Variants in APBB2 observed in about 807,000 individuals in gnomAD.
APBB2 encodes the protein amyloid beta precursor protein binding family B member 2.
APBB2 carries 38 observed loss-of-function variants against 82.5 expected under a neutral mutation model. The observed-to-expected ratio is 0.46, with a 90% confidence interval of 0.36 to 0.60. The LOEUF (loss-of-function observed/expected upper bound fraction) is 0.60, where lower values mean the gene tolerates loss of function less well. Ranked by LOEUF, APBB2 falls within the 20% of genes least tolerant of loss-of-function variation. The pLI, the probability that APBB2 is intolerant of heterozygous loss-of-function variation, is 0.00. For missense variants in APBB2, 772 were observed against 972.3 expected (o/e 0.79, Z 2.74); for synonymous variants, 341 against 368.2 (o/e 0.93, Z 0.85).
chr4:40,958,725 C>A (rs1489178383), intron 6 of APBB2, among the ~76,000 whole-genome samples: 2 of 152,272 alleles, frequency 1.3e-5, no homozygotes, highest in African/African-American at 2.4e-5. Flanking sequence ...CCTGTCTCAA[C>A]CCCCTGAGTA....
At chr4:40,939,112 C>T (rs1169539759) in intron 7 of APBB2, among the ~76,000 whole-genome samples, 2 of 152,162 alleles carry the variant, frequency 1.3e-5, no homozygotes, top group African/African-American at 4.8e-5. Flanking sequence ...AGTCTCTCGG[C>T]CTTGGACTTT....
chr4:41,085,342 C>A (rs1739273434), intron 3 of APBB2, among the ~76,000 whole-genome samples: 1 of 150,856 alleles, frequency 6.6e-6, no homozygotes, highest in South Asian at 2.1e-4. Flanking sequence ...AAAACTTTTA[C>A]ATGGGGGTAT....
rs1465309041 is a variant in APBB2 at position 40,815,454 on chromosome 4, T to TC, written c.*637dup. ...CATCAATTTTGAAGTTTCATTTTTT[T>TC]CCAACATCCCACAAACAGCTGTAGA... On this transcript the variant is annotated 3_prime_UTR_variant, in exon 18 of 18. Transcript: ENST00000508593. The TC allele has an allele frequency of 6.6e-6, 1 of 152,574 alleles. No individual in the cohort carries two copies. The highest frequency in any genetic ancestry group is 1.5e-5 in the Non-Finnish European group (1 of 68,052). The allele number at this position is 152,574 out of a possible 1,614,324, so 9.5% of individuals were successfully genotyped here.
intron 1 of APBB2, among the ~76,000 whole-genome samples, chr4:41,181,937 T>C (rs1443596756): frequency 9.4e-6 from 1 of 106,056 alleles, no homozygotes; most frequent in Non-Finnish European, 1.8e-5. Flanking sequence ...AGAGTGAAAC[T>C]GTCTCAAAAA....
At chr4:41,210,652 A>C (rs1297174626) in intron 1 of APBB2, among the ~76,000 whole-genome samples, 3 of 152,242 alleles carry the variant, frequency 2.0e-5, no homozygotes, top group Non-Finnish European at 4.4e-5. Flanking sequence ...AAATGAACAC[A>C]AAACAGTTTT....
chr4:40,935,404 A>C (rs947810181), intron 7 of APBB2: 3 of 441,298 alleles, frequency 6.8e-6, no homozygotes, highest in Non-Finnish European at 1.2e-5. Context: ...CAGTGAAGTT[A>C]TTTCCTTAAG....
intron 6 of APBB2, among the ~76,000 whole-genome samples, chr4:40,968,271 T>G (rs893998379): frequency 6.6e-6 from 1 of 152,178 alleles, no homozygotes; most frequent in African/African-American, 2.4e-5. Flanking sequence ...TGAGTACCTA[T>G]TAGTCAATAT....
intron 1 of APBB2, among the ~76,000 whole-genome samples, chr4:41,147,384 G>T (rs941056717): frequency 1.3e-5 from 2 of 151,224 alleles, no homozygotes; most frequent in Non-Finnish European, 2.9e-5. Context: ...TCAAAACCTT[G>T]GTCATATGTC....
chr4:40,838,996 T>G (rs776785917), intron 12 of APBB2, among the ~76,000 whole-genome samples: 2 of 152,154 alleles, frequency 1.3e-5, no homozygotes, highest in African/African-American at 4.8e-5. Context: ...TCTCGTTTCT[T>G]TAATAAATCA....
chr4:40,821,109 G>A (rs1490115201), intron 17 of APBB2, among the ~76,000 whole-genome samples: 6 of 151,986 alleles, frequency 3.9e-5, no homozygotes, highest in East Asian at 1.9e-4. Context: ...CAAGTGATCC[G>A]CCTGCCTCAG....
At chr4:41,000,699 CTG>C (rs1396005486) in intron 6 of APBB2, among the ~76,000 whole-genome samples, 1 of 152,156 alleles carries the variant, frequency 6.6e-6, no homozygotes, top group Non-Finnish European at 1.5e-5. Flanking sequence ...GCAAGGAACT[CTG>C]TGAGTGGTTT....
chr4:40,827,758 T>A (rs1750442889), intron 13 of APBB2, among the ~76,000 whole-genome samples: 2 of 152,212 alleles, frequency 1.3e-5, no homozygotes, highest in South Asian at 4.1e-4. Flanking sequence ...GAGGATCACA[T>A]GAGTGAGTGT....
intron 1 of APBB2, among the ~76,000 whole-genome samples, chr4:41,156,638 A>G (rs904989715): frequency 1.3e-5 from 2 of 152,230 alleles, no homozygotes; most frequent in Non-Finnish European, 2.9e-5. Flanking sequence ...TTCACAGAAG[A>G]TGGAGCAAAG....
intron 2 of APBB2, among the ~76,000 whole-genome samples, chr4:41,137,028 A>C (rs1757760681): frequency 6.6e-6 from 1 of 152,212 alleles, no homozygotes; most frequent in African/African-American, 2.4e-5. Context: ...GCTATTCAGA[A>C]TCATACTAAT....
chr4:41,109,817 A>G (rs1383992762), intron 2 of APBB2, among the ~76,000 whole-genome samples: 2 of 152,274 alleles, frequency 1.3e-5, no homozygotes, highest in African/African-American at 4.8e-5. Context: ...TTTTATCCCT[A>G]TTTTACAGAA....
At chr4:40,982,456 T>A (rs28410225) in intron 6 of APBB2, among the ~76,000 whole-genome samples, 54,198 of 71,088 alleles carry the variant, frequency 0.76, 20,542 homozygotes, top group Middle Eastern at 0.8. Context: ...AAAGAAAGAA[T>A]GAATGAATTT....
chr4:41,049,631 T>C lies in APBB2; in HGVS notation c.-51+15945A>G, dbSNP rs867822362. Among the ~76,000 whole-genome samples the C allele has an allele frequency of 5.7e-4, 86 of 152,016 alleles. 1 individual carries two copies. Among genetic ancestry groups the C allele is most frequent in the African/African-American group, 1.9e-3 (79 of 41,438 alleles). On this transcript the variant is annotated intron_variant, in intron 4 of 17. Coordinates refer to ENST00000508593, the MANE Select transcript of APBB2 (RefSeq NM_004307.2). ...CCCGGCCACCACCCCGTCTGGGAGG[T>C]GTACCCAACAGCTCATTGAGAACGG...
chr4:40,967,249 T>C (rs937258976), intron 6 of APBB2, among the ~76,000 whole-genome samples: 9 of 152,140 alleles, frequency 5.9e-5, no homozygotes, highest in African/African-American at 2.2e-4. Context: ...CACCCTCTAC[T>C]TGTCTGCATA....
At chr4:41,050,090 CGA>C (rs1725392424) in intron 4 of APBB2, among the ~76,000 whole-genome samples, 1 of 151,230 alleles carries the variant, frequency 6.6e-6, no homozygotes, top group African/African-American at 2.4e-5. Context: ...TCCCCCTCTG[CGA>C]GAAACACCCA....
Sources: gnomAD v4.1 joint callset for allele counts (sites outside exome capture counted in the v4.1 genomes callset) on GRCh38, gnomAD v4.1.1 for gene constraint, MANE v1.5 for transcripts, NCBI Gene and HGNC (gene_info 2026-07-23, HGNC 2026-07-21) for gene names.